The following RELN variants were observed in gnomAD, a reference collection of about 807,000 sequenced individuals.
RELN encodes reelin.
Under a neutral mutation model 427.6 loss-of-function variants are expected in RELN, and 108 were observed. That is an observed-to-expected ratio of 0.25 (90% CI 0.22 to 0.30). RELN has a LOEUF of 0.30. Among genes scored for constraint, RELN ranks in the 10% least tolerant of loss-of-function variants. The pLI, the probability that RELN is intolerant of heterozygous loss-of-function variation, is 1.00. For missense variants in RELN, 3,715 were observed against 4,302.8 expected (o/e 0.86, Z 3.82); for synonymous variants, 1,524 against 1,513.4 (o/e 1.01, Z -0.16).
At chr7:103,763,691 C>G (rs1791357499) in intron 4 of RELN, among the ~76,000 whole-genome samples, 2 of 152,068 alleles carry the variant, frequency 1.3e-5, no homozygotes, top group South Asian at 4.1e-4. Flanking sequence ...GAAGGACATA[C>G]TTATTCCAGC....
intron 1 of RELN, among the ~76,000 whole-genome samples, chr7:103,925,118 T>C (rs1035586280): frequency 6.6e-5 from 10 of 152,036 alleles, no homozygotes; most frequent in Non-Finnish European, 1.3e-4. Context: ...TCCCTAGACT[T>C]GGAGACATAG....
At chr7:103,777,378 G>GA (rs751564442) in intron 3 of RELN, among the ~76,000 whole-genome samples, 2 of 152,082 alleles carry the variant, frequency 1.3e-5, no homozygotes, top group African/African-American at 2.4e-5. Context: ...ATTTAAAACA[G>GA]AAAATCTTGT....
At chr7:103,869,637 C>T (rs3886302) in intron 2 of RELN, among the ~76,000 whole-genome samples, 6 of 152,012 alleles carry the variant, frequency 3.9e-5, no homozygotes, top group Admixed American at 1.3e-4. Flanking sequence ...CTTTTATTTA[C>T]GTGTAAGTTA....
chr7:103,926,247 C>A (rs1391560510), intron 1 of RELN, among the ~76,000 whole-genome samples: 3 of 151,716 alleles, frequency 2.0e-5, no homozygotes, highest in Non-Finnish European at 4.4e-5. Context: ...ACTACGGGTA[C>A]GTGCCATCAG....
chr7:103,891,254 C>G (rs1794842731), intron 2 of RELN, among the ~76,000 whole-genome samples: 1 of 152,132 alleles, frequency 6.6e-6, no homozygotes, highest in African/African-American at 2.4e-5. Context: ...AAAAACAACA[C>G]TGTTCATCTT....
intron 8 of RELN, among the ~76,000 whole-genome samples, chr7:103,701,486 A>G (rs889740413): frequency 6.6e-6 from 1 of 152,158 alleles, no homozygotes; most frequent in African/African-American, 2.4e-5. Context: ...TGTAAAGAAA[A>G]TTCAAATACT....
chr7:103,969,082 C>T (rs189935462), intron 1 of RELN, among the ~76,000 whole-genome samples: 2 of 152,016 alleles, frequency 1.3e-5, no homozygotes, highest in Non-Finnish European at 2.9e-5. Flanking sequence ...AGAGAAAGGC[C>T]CACATCTGGT....
chr7:103,515,087 C>T, intron 50 of RELN, 98 bp downstream of exon 50: 1 of 1,461,170 alleles, frequency 6.8e-7, no homozygotes. Flanking sequence ...ACCACTGGAA[C>T]ATCTGAAAAG....
intron 2 of RELN, among the ~76,000 whole-genome samples, chr7:103,848,959 G>A (rs1362397033): frequency 6.6e-6 from 1 of 152,096 alleles, no homozygotes; most frequent in Non-Finnish European, 1.5e-5. Flanking sequence ...CAATCTACTT[G>A]ATGAACAGCA....
intron 38 of RELN, among the ~76,000 whole-genome samples, chr7:103,556,533 T>A (rs370356797): frequency 2.6e-5 from 4 of 152,250 alleles, no homozygotes; most frequent in African/African-American, 9.6e-5. Flanking sequence ...TGTACTCCCA[T>A]AATTCCCATG....
intron 46 of RELN, among the ~76,000 whole-genome samples, chr7:103,528,029 T>C (rs898600577): frequency 2.0e-5 from 3 of 152,200 alleles, no homozygotes; most frequent in Non-Finnish European, 2.9e-5. Flanking sequence ...CTCAAAATGT[T>C]GAACATAATT....
At chr7:103,631,525 C>T (rs1832467274) in intron 19 of RELN, among the ~76,000 whole-genome samples, 1 of 152,068 alleles carries the variant, frequency 6.6e-6, no homozygotes, top group South Asian at 2.1e-4. Flanking sequence ...ATCTCCTAAC[C>T]TCGTGATCTG....
intron 14 of RELN, 144 bp from the exon 15 acceptor site, chr7:103,651,933 GT>G (rs1832925269): frequency 1.2e-6 from 1 of 841,190 alleles, no homozygotes; most frequent in Non-Finnish European, 1.9e-6. Flanking sequence ...CTAAATGATT[GT>G]TTTCTCTTTC....
chr7:103,723,263 T>G, intron 7 of RELN, 72 bp from the exon 8 acceptor site: 1 of 882,942 alleles, frequency 1.1e-6, no homozygotes, highest in South Asian at 1.4e-5. Context: ...CTGGGAGGGG[T>G]ACGGGGAGGG....
intron 3 of RELN, among the ~76,000 whole-genome samples, chr7:103,789,999 T>C (rs949630922): frequency 1.3e-5 from 2 of 152,160 alleles, no homozygotes; most frequent in Non-Finnish European, 2.9e-5. Flanking sequence ...CAATGCTATG[T>C]AGCCATAAAA....
chr7:103,636,147 A>G (rs1832574787), intron 18 of RELN, 88 bp downstream of exon 18: 8 of 935,114 alleles, frequency 8.6e-6, no homozygotes, highest in Admixed American at 2.0e-5. Context: ...GTCTATCAGA[A>G]AAAATATAAG....
intron 45 of RELN, 42 bp from the exon 46 acceptor site, chr7:103,535,526 C>A: frequency 2.0e-6 from 3 of 1,534,250 alleles, no homozygotes; most frequent in Non-Finnish European, 2.7e-6. Flanking sequence ...CACATATCTG[C>A]AGACCCAGGA....
At chr7:103,787,801 A>C (rs1032631136) in intron 3 of RELN, among the ~76,000 whole-genome samples, 1 of 152,236 alleles carries the variant, frequency 6.6e-6, no homozygotes, top group African/African-American at 2.4e-5. Context: ...TCCAAACATC[A>C]GAAAAAGAGG....
rs541196410 is a variant in RELN, at chr7:103,617,389, A to G, written c.2703-5586T>C. 5.3e-5 allele frequency among the ~76,000 whole-genome samples: 8 copies of G among 152,094 alleles called. No homozygotes were observed. The South Asian group carries it at 1.5e-3, about 28-fold the overall frequency. On this transcript the variant is annotated intron_variant, in intron 20 of 64. Coordinates refer to ENST00000428762, the MANE Select transcript of RELN (RefSeq NM_005045.4). Reference sequence around the variant, plus strand: ...AAACTTTTAAGTAGTGGAATATGTGACTGTTATAGTCCCTGATTCTGGTGT... The same window carrying G: ...AAACTTTTAAGTAGTGGAATATGTGGCTGTTATAGTCCCTGATTCTGGTGT...
Sources: allele counts gnomAD v4.1 joint callset (sites outside exome capture counted in the v4.1 genomes callset), GRCh38; gene constraint gnomAD v4.1.1; transcripts MANE v1.5; gene names NCBI Gene and HGNC (gene_info 2026-07-23, HGNC 2026-07-21).